The following OSBP2 variants were observed in gnomAD, a reference collection of about 807,000 sequenced individuals.
OSBP2 encodes oxysterol-binding protein 2.
A neutral mutation model predicts 96.0 loss-of-function variants in OSBP2; 66 were observed. That is an observed-to-expected ratio of 0.69 (90% CI 0.56 to 0.84). The LOEUF (loss-of-function observed/expected upper bound fraction) is 0.84, where lower values mean the gene tolerates loss of function less well. Ranked by LOEUF, OSBP2 falls within the 40% of genes least tolerant of loss-of-function variation. OSBP2 has a pLI of 0.00. For synonymous variants in OSBP2, 525 were observed against 520.9 expected, an observed-to-expected ratio of 1.01 and a Z score of -0.11; for missense variants, 1,038 against 1,222.7, an observed-to-expected ratio of 0.85 and a Z score of 2.25.
chr22:30,893,048 C>G (rs1352654753), intron 8 of OSBP2, 74 bp from the exon 9 acceptor site: 2 of 1,575,816 alleles, frequency 1.3e-6, no homozygotes, highest in South Asian at 1.1e-5. Flanking sequence ...GGCAAGCTGT[C>G]CCTCCCTGGC....
intron 1 of OSBP2, among the ~76,000 whole-genome samples, chr22:30,706,158 T>C (rs1488836802): frequency 3.3e-5 from 5 of 152,090 alleles, no homozygotes; most frequent in African/African-American, 1.2e-4. Context: ...CTGAACAAAA[T>C]TGAAATTGGC....
intron 3 of OSBP2, among the ~76,000 whole-genome samples, chr22:30,884,190 G>A (rs1336191874): frequency 6.6e-6 from 1 of 152,200 alleles, no homozygotes; most frequent in Non-Finnish European, 1.5e-5. Flanking sequence ...AGGATGAGGC[G>A]CATGAGATAA....
chr22:30,890,651 A>G lies in OSBP2; in HGVS notation c.1624-77A>G. 2 of 1,512,154 alleles carry G rather than the reference A, an allele frequency of 1.3e-6. No individual in the cohort carries two copies. Among genetic ancestry groups the G allele is most frequent in the Non-Finnish European group, 1.8e-6 (2 of 1,105,680 alleles). 93.7% of individuals were successfully genotyped at this position (1,512,154 alleles called of 1,614,324 possible). ...TGCTGTCTGAGCAGGGATGTCCCTGAACATCCGAGAAAAGCAAGGGCACCA... is the reference window on the plus strand; with the variant it reads ...TGCTGTCTGAGCAGGGATGTCCCTGGACATCCGAGAAAAGCAAGGGCACCA... On this transcript the variant is annotated intron_variant, in intron 7 of 13. Transcript: ENST00000332585. This position sits in a 1 kb window ranked among gnomAD's most constrained non-coding sequence, Gnocchi z 4.4.
At chr22:30,829,206 A>C (rs778524471) in intron 2 of OSBP2, among the ~76,000 whole-genome samples, 1 of 152,202 alleles carries the variant, frequency 6.6e-6, no homozygotes. Flanking sequence ...GTTGGCGTGC[A>C]GGGCTGCTGT....
intron 2 of OSBP2, among the ~76,000 whole-genome samples, chr22:30,751,378 G>A (rs911494461): frequency 1.5e-4 from 22 of 151,370 alleles, no homozygotes; most frequent in African/African-American, 4.8e-4. Flanking sequence ...TTCTTGAGAC[G>A]GAGTCTCACT....
At chr22:30,872,266 T>C (rs1351656108) in intron 3 of OSBP2, 2 of 456,680 alleles carry the variant, frequency 4.4e-6, no homozygotes, top group South Asian at 3.1e-5. Context: ...TGTGAAGCAC[T>C]GAATGACATA....
At chr22:30,781,461 C>CT in intron 2 of OSBP2, among the ~76,000 whole-genome samples, 1 of 152,246 alleles carries the variant, frequency 6.6e-6, no homozygotes, top group Admixed American at 6.5e-5. Context: ...GTCATTTGTC[C>CT]TGTGGCTCAG....
chr22:30,872,469 C>T (rs530350853), intron 3 of OSBP2: 14 of 437,574 alleles, frequency 3.2e-5, no homozygotes, highest in Middle Eastern at 3.6e-4. Context: ...TCTGTGTTTA[C>T]GAAGCCATCA....
rs557048740 is a variant in OSBP2 at position 30,893,873 on chromosome 22, G to A, written c.2247G>A (p.Ser749=). 41 of 1,583,320 alleles carry A rather than the reference G, an allele frequency of 2.6e-5. No individual in the cohort carries two copies. Among genetic ancestry groups the A allele is most frequent in the Admixed American group, 7.4e-5 (4 of 54,054 alleles). The change falls in exon 12 of 14, where the codon TCG becomes TCA. Residue 749 remains serine, a synonymous_variant. Coordinates refer to ENST00000332585, the MANE Select transcript of OSBP2 (RefSeq NM_030758.4). ...AGGCCCATTACGTGCTGTCCGGCTCGTGGGATGAACAAATGGAGTGCTCCA... is the reference window on the plus strand; with the variant it reads ...AGGCCCATTACGTGCTGTCCGGCTCATGGGATGAACAAATGGAGTGCTCCA... ...QGKAHYVLSG[S]WDEQMECSKV...
chr22:30,750,594 A>G (rs980287290), intron 2 of OSBP2, among the ~76,000 whole-genome samples: 1 of 152,210 alleles, frequency 6.6e-6, no homozygotes, highest in Non-Finnish European at 1.5e-5. Context: ...GTTAACATCA[A>G]CACAGACCTT....
intron 2 of OSBP2, among the ~76,000 whole-genome samples, chr22:30,785,973 C>G (rs2090583368): frequency 6.6e-6 from 1 of 152,064 alleles, no homozygotes. Flanking sequence ...ATTACCCAGT[C>G]TCAGGTAGTA....
At chr22:30,862,947 C>T (rs559632043) in intron 2 of OSBP2, among the ~76,000 whole-genome samples, 14 of 147,692 alleles carry the variant, frequency 9.5e-5, no homozygotes, top group East Asian at 2.0e-4. Context: ...CACTCCAGCC[C>T]GGGTGACTCT....
At chr22:30,748,985 G>A (rs533254340) in intron 2 of OSBP2, among the ~76,000 whole-genome samples, 1 of 152,226 alleles carries the variant, frequency 6.6e-6, no homozygotes, top group Non-Finnish European at 1.5e-5. Flanking sequence ...GCATAGTAGC[G>A]CACGCCTGTA....
chr22:30,725,472 C>T (rs2089630450), intron 1 of OSBP2, among the ~76,000 whole-genome samples: 1 of 151,828 alleles, frequency 6.6e-6, no homozygotes, highest in African/African-American at 2.4e-5. Context: ...GATCGCACCA[C>T]TGCACTTCGG....
chr22:30,863,444 C>G (rs1239593477), intron 2 of OSBP2, among the ~76,000 whole-genome samples: 1 of 152,160 alleles, frequency 6.6e-6, no homozygotes, highest in Non-Finnish European at 1.5e-5. Flanking sequence ...CCTCAGAGCC[C>G]CCACGTGGGG....
At chr22:30,876,058 G>C (rs1357060391) in intron 3 of OSBP2, among the ~76,000 whole-genome samples, 1 of 152,272 alleles carries the variant, frequency 6.6e-6, no homozygotes, top group Non-Finnish European at 1.5e-5. Flanking sequence ...CGGAGAGGCA[G>C]ATTCCTGTCC....
chr22:30,752,440 A>G (rs2090089283), intron 2 of OSBP2, among the ~76,000 whole-genome samples: 1 of 150,794 alleles, frequency 6.6e-6, no homozygotes, highest in African/African-American at 2.4e-5. Context: ...CTGGGACTAC[A>G]GGCGCCCACC....
At chr22:30,849,007 C>T (rs973156335) in intron 2 of OSBP2, among the ~76,000 whole-genome samples, 1 of 152,122 alleles carries the variant, frequency 6.6e-6, no homozygotes, top group Admixed American at 6.6e-5. Context: ...TGGCTCATGC[C>T]TGTAATCCTA....
intron 3 of OSBP2, among the ~76,000 whole-genome samples, chr22:30,872,044 G>A (rs1203659691): frequency 1.3e-5 from 2 of 152,232 alleles, no homozygotes; most frequent in Non-Finnish European, 2.9e-5. Flanking sequence ...CTCAGCAGGT[G>A]TGTGCACCTT....
Sources: gnomAD v4.1 joint callset for allele counts (sites outside exome capture counted in the v4.1 genomes callset) on GRCh38, gnomAD v4.1.1 for gene constraint, Gnocchi (gnomAD v3.1) non-coding constraint, MANE v1.5 for transcripts, NCBI Gene and HGNC (gene_info 2026-07-23, HGNC 2026-07-21) for gene names.